DAAM1: variants seen among roughly 807,000 people sequenced by gnomAD.
DAAM1 encodes the protein dishevelled associated activator of morphogenesis 1, also known as disheveled-associated activator of morphogenesis 1.
Under a neutral mutation model 130.0 loss-of-function variants are expected in DAAM1, and 52 were observed. That is an observed-to-expected ratio of 0.40 (90% CI 0.32 to 0.50). DAAM1 has a LOEUF of 0.50. Ranked by LOEUF, DAAM1 falls within the 20% of genes least tolerant of loss-of-function variation. The pLI is 0.61. For missense variants in DAAM1, 1,134 were observed against 1,303.8 expected, an observed-to-expected ratio of 0.87 and a Z score of 2.01; for synonymous variants, 452 against 444.5, an observed-to-expected ratio of 1.02 and a Z score of -0.21.
intron 1 of DAAM1, among the ~76,000 whole-genome samples, chr14:59,247,753 T>C (rs1881455057): frequency 6.6e-6 from 1 of 152,070 alleles, no homozygotes; most frequent in East Asian, 1.9e-4. Flanking sequence ...ATGAAAGCAA[T>C]TTCCATTTCC....
chr14:59,326,986 G>C lies in DAAM1; in HGVS notation c.1367G>C (p.Arg456Thr). 1 of 1,613,974 alleles carries C rather than the reference G, an allele frequency of 6.2e-7. No homozygotes were observed. Among genetic ancestry groups the C allele is most frequent in the Non-Finnish European group, 8.5e-7 (1 of 1,179,922 alleles). Reference protein sequence around the residue: ...KQWKEQAEKMRKEHNELQQKL... With the variant: ...KQWKEQAEKMTKEHNELQQKL... ...TGGAAAGAACAAGCGGAAAAAATGA[G>C]AAAAGGTAAATAATGAGGCCCTGAT... Residue 456 changes from arginine to threonine, a missense_variant, in exon 12 of 25, where the codon AGA becomes ACA. Around this residue, in one of 3 missense-constraint regions of DAAM1, gnomAD observed 391 missense variants for 521.6 expected, o/e 0.75. Coordinates refer to ENST00000360909, the MANE Select transcript of DAAM1 (RefSeq NM_001270520.2).
At chr14:59,320,864 A>C (rs1002559710) in intron 5 of DAAM1, among the ~76,000 whole-genome samples, 1 of 152,164 alleles carries the variant, frequency 6.6e-6, no homozygotes, top group Non-Finnish European at 1.5e-5. Flanking sequence ...GCTGCTAGGA[A>C]TGTAAAATTG....
intron 3 of DAAM1, among the ~76,000 whole-genome samples, chr14:59,308,968 T>C (rs1230649153): frequency 6.6e-6 from 1 of 152,116 alleles, no homozygotes; most frequent in South Asian, 2.1e-4. Context: ...GGCCAAAAAA[T>C]GTAACCAGGA....
At chr14:59,271,289 G>A (rs756262243) in intron 2 of DAAM1, among the ~76,000 whole-genome samples, 10 of 151,980 alleles carry the variant, frequency 6.6e-5, no homozygotes, top group Non-Finnish European at 1.2e-4. Flanking sequence ...TTATACTACC[G>A]AGAAAATATA....
At chr14:59,243,109 A>T (rs1218708087) in intron 1 of DAAM1, among the ~76,000 whole-genome samples, 1 of 152,124 alleles carries the variant, frequency 6.6e-6, no homozygotes, top group Non-Finnish European at 1.5e-5. Flanking sequence ...GCTGGGAACT[A>T]CTTTGATCCT....
chr14:59,236,477 T>C (rs1336854772), intron 1 of DAAM1, among the ~76,000 whole-genome samples: 1 of 152,130 alleles, frequency 6.6e-6, no homozygotes, highest in Non-Finnish European at 1.5e-5. Context: ...GCATTTGCTC[T>C]CTGGCTGGAA....
At chr14:59,208,920 C>T (rs1290641625) in intron 1 of DAAM1, among the ~76,000 whole-genome samples, 1 of 152,198 alleles carries the variant, frequency 6.6e-6, no homozygotes, top group African/African-American at 2.4e-5. Flanking sequence ...ACTGGCTTCC[C>T]TCTTCACCTT....
intron 1 of DAAM1, among the ~76,000 whole-genome samples, chr14:59,209,561 A>G (rs915574253): frequency 2.6e-5 from 4 of 152,194 alleles, no homozygotes; most frequent in Admixed American, 1.3e-4. Flanking sequence ...TTCATTTTCA[A>G]TATAGTATCT....
chr14:59,301,621 A>C (rs1884174861), intron 3 of DAAM1, among the ~76,000 whole-genome samples: 1 of 152,140 alleles, frequency 6.6e-6, no homozygotes, highest in Non-Finnish European at 1.5e-5. Flanking sequence ...CAGAATCAGC[A>C]CATCTGCACA....
At chr14:59,294,603 G>A (rs544492033) in intron 3 of DAAM1, among the ~76,000 whole-genome samples, 196 of 151,852 alleles carry the variant, frequency 1.3e-3, no homozygotes, top group African/African-American at 4.6e-3. Flanking sequence ...TCCAAAAAGG[G>A]TTCTGTTAGT....
intron 1 of DAAM1, among the ~76,000 whole-genome samples, chr14:59,231,338 T>C (rs1178501281): frequency 2.0e-5 from 3 of 152,124 alleles, no homozygotes; most frequent in African/African-American, 7.2e-5. Flanking sequence ...ACTTCAAATT[T>C]TTCTAAGTAG....
At chr14:59,313,265 C>T (rs1884661467) in intron 3 of DAAM1, among the ~76,000 whole-genome samples, 1 of 152,158 alleles carries the variant, frequency 6.6e-6, no homozygotes, top group African/African-American at 2.4e-5. Flanking sequence ...ACTGGAGATA[C>T]ATTGCCCAAA....
chr14:59,368,988 C>T lies in DAAM1; in HGVS notation c.*129C>T, dbSNP rs1024882179. ...CTTCATCTGTGAGTGAATGTGTGAA[C>T]GTGTGTATGTAAATGTATGTGTGTA... On this transcript the variant is annotated 3_prime_UTR_variant, in exon 25 of 25. Coordinates refer to ENST00000360909, the MANE Select transcript of DAAM1 (RefSeq NM_001270520.2). 8.1e-6 allele frequency: 6 copies of T among 744,498 alleles called. No homozygotes were observed. The highest frequency in any genetic ancestry group is 3.8e-5 in the South Asian group (2 of 53,078). The allele number at this position is 744,498 out of a possible 1,614,324, so 46.1% of individuals were successfully genotyped here. A position where few individuals can be genotyped will look rare whatever the true frequency, so the allele number is the denominator to read the frequency against.
intron 3 of DAAM1, among the ~76,000 whole-genome samples, chr14:59,311,802 C>T (rs1429889876): frequency 1.3e-5 from 2 of 152,210 alleles, no homozygotes; most frequent in Non-Finnish European, 2.9e-5. Flanking sequence ...GATCCTCCCA[C>T]CTCAGCCTCC....
chr14:59,261,380 C>T (rs61986030), intron 1 of DAAM1, among the ~76,000 whole-genome samples: 9,448 of 152,260 alleles, frequency 0.062, 393 homozygotes, highest in Non-Finnish European at 0.093. Flanking sequence ...TAGGTGACTA[C>T]TGTCATTCCT....
chr14:59,309,588 A>T (rs186500786), intron 3 of DAAM1, among the ~76,000 whole-genome samples: 77 of 152,288 alleles, frequency 5.1e-4, no homozygotes, highest in Non-Finnish European at 8.7e-4. Context: ...GGCATTGCCT[A>T]TTCATTCAAG....
chr14:59,347,576 C>G lies in DAAM1; in HGVS notation c.2113C>G (p.Leu705Val). The change falls in exon 17 of 25, where the codon CTA (leucine) becomes GTA (valine). Residue 705 changes from leucine to valine, a missense_variant. Coordinates refer to ENST00000360909, the MANE Select transcript of DAAM1 (RefSeq NM_001270520.2). ...LSNDEIKRAI[L>V]TMDEQEDLPK... Reference sequence around the variant, plus strand: ...CAATGACGAAATCAAACGGGCAATTCTAACAATGGACGAACAGGAAGATCT... The same window carrying G: ...CAATGACGAAATCAAACGGGCAATTGTAACAATGGACGAACAGGAAGATCT... 1 of 1,613,900 alleles carries G rather than the reference C, an allele frequency of 6.2e-7. No homozygotes were observed. The highest frequency in any genetic ancestry group is 1.1e-5 in the South Asian group (1 of 91,040).
intron 22 of DAAM1, 74 bp downstream of exon 22, chr14:59,360,936 G>A: frequency 1.5e-6 from 2 of 1,343,856 alleles, no homozygotes; most frequent in Non-Finnish European, 1.1e-6. Context: ...TTCAGCAGAT[G>A]GGTTGTGTTG....
At chr14:59,261,296 T>A (rs1459368689) in intron 1 of DAAM1, among the ~76,000 whole-genome samples, 1 of 152,216 alleles carries the variant, frequency 6.6e-6, no homozygotes, top group Admixed American at 6.5e-5. Flanking sequence ...ACCTTTATTA[T>A]AACTATCTGG....
Sources: allele counts gnomAD v4.1 joint callset (sites outside exome capture counted in the v4.1 genomes callset), GRCh38; gene constraint gnomAD v4.1.1; regional missense constraint gnomAD v4.1.1; transcripts MANE v1.5; gene names NCBI Gene and HGNC (gene_info 2026-07-23, HGNC 2026-07-21).